PAX7: variants seen among roughly 807,000 people sequenced by gnomAD.
PAX7 encodes paired box protein Pax-7.
A neutral mutation model predicts 50.7 loss-of-function variants in PAX7; 18 were observed. That is an observed-to-expected ratio of 0.36 (90% CI 0.25 to 0.53). The LOEUF (loss-of-function observed/expected upper bound fraction) is 0.53. Ranked by LOEUF, PAX7 falls within the 20% of genes least tolerant of loss-of-function variation. PAX7 has a pLI of 0.93. For synonymous variants in PAX7, 310 were observed against 290.4 expected, an observed-to-expected ratio of 1.07 and a Z score of -0.69; for missense variants, 644 against 702.9, an observed-to-expected ratio of 0.92 and a Z score of 0.95.
At chr1:18,641,082 C>A (rs973096273) in intron 4 of PAX7, among the ~76,000 whole-genome samples, 16 of 152,266 alleles carry the variant, frequency 1.1e-4, no homozygotes, top group African/African-American at 3.9e-4. Flanking sequence ...CTGGCGCTCG[C>A]GCGCTCGCAG....
At position 18,634,642 on chromosome 1, in the gene PAX7, C is replaced by T; in HGVS notation, c.321+104C>T. 2 of 864,098 alleles carry T rather than the reference C, an allele frequency of 2.3e-6. No homozygotes were observed. Among genetic ancestry groups the T allele is most frequent in the Non-Finnish European group, 3.7e-6 (2 of 547,472 alleles). The allele number at this position is 864,098 out of a possible 1,614,324, so 53.5% of individuals were successfully genotyped here. Reference sequence around the variant, plus strand: ...CGTGGCACCAGGCTGTAGGAAAGTACAGCTGGAGGGTGTCTTCTACTCCCA... The same window carrying T: ...CGTGGCACCAGGCTGTAGGAAAGTATAGCTGGAGGGTGTCTTCTACTCCCA... On this transcript the variant is annotated intron_variant, in intron 2 of 8. Transcript: ENST00000420770. This position sits in a 1 kb window ranked among gnomAD's most constrained non-coding sequence, Gnocchi z 4.0.
At chr1:18,635,066 C>G (rs754647717) in intron 2 of PAX7, 45 bp from the exon 3 acceptor site, 4 of 1,605,932 alleles carry the variant, frequency 2.5e-6, no homozygotes, top group East Asian at 2.2e-5. Context: ...TTTCCTCCCC[C>G]CATCCCATCT....
At chr1:18,710,800 G>T (rs907965560) in intron 7 of PAX7, among the ~76,000 whole-genome samples, 2 of 152,088 alleles carry the variant, frequency 1.3e-5, no homozygotes, top group South Asian at 2.1e-4. Flanking sequence ...AAAGCAGATT[G>T]GGGACATCCT....
At position 18,634,496 on chromosome 1, in the gene PAX7, C is replaced by G. The variant is rs186595563; in HGVS notation, c.279C>G (p.Thr93=). Residue 93 remains threonine, a synonymous_variant, in exon 2 of 9, where the codon ACC becomes ACG. Transcript: ENST00000420770. This position sits in a 1 kb window ranked among gnomAD's most constrained non-coding sequence, Gnocchi z 4.0. ...VSKILCRYQE[T]GSIRPGAIGG... ...AGATTCTTTGCCGCTACCAGGAGACCGGGTCCATCCGGCCTGGGGCCATCG... is the reference window on the plus strand; with the variant it reads ...AGATTCTTTGCCGCTACCAGGAGACGGGGTCCATCCGGCCTGGGGCCATCG... The G allele has an allele frequency of 6.2e-7, 1 of 1,614,078 alleles. No individual in the cohort carries two copies. Among genetic ancestry groups the G allele is most frequent in the South Asian group, 1.1e-5 (1 of 91,076 alleles).
At chr1:18,666,815 G>A (rs1457450477) in intron 4 of PAX7, among the ~76,000 whole-genome samples, 1 of 152,178 alleles carries the variant, frequency 6.6e-6, no homozygotes, top group East Asian at 1.9e-4. Context: ...CAAGGCCTCG[G>A]GCCTCTCAGC....
intron 4 of PAX7, among the ~76,000 whole-genome samples, chr1:18,668,884 G>A (rs963476895): frequency 7.9e-5 from 12 of 152,242 alleles, no homozygotes; most frequent in African/African-American, 2.9e-4. Context: ...GCAGGCGGGT[G>A]TGTCTGGAAG....
chr1:18,732,360 C>T (rs1228974237), intron 7 of PAX7, among the ~76,000 whole-genome samples: 1 of 152,156 alleles, frequency 6.6e-6, no homozygotes, highest in Non-Finnish European at 1.5e-5. Flanking sequence ...TAAAGGAATA[C>T]ACATGAATTC....
At chr1:18,734,472 C>T (rs2089686745) in intron 7 of PAX7, among the ~76,000 whole-genome samples, 1 of 152,120 alleles carries the variant, frequency 6.6e-6, no homozygotes, top group African/African-American at 2.4e-5. Flanking sequence ...CCCTGCTCTG[C>T]TCTGAACTGA....
intron 5 of PAX7, among the ~76,000 whole-genome samples, chr1:18,693,796 T>G (rs2100301466): frequency 6.6e-6 from 1 of 152,366 alleles, no homozygotes; most frequent in African/African-American, 2.4e-5. Context: ...TTCCCACGTC[T>G]GGCGGCCACG....
In PAX7 at chr1:18,700,815, C is replaced by A; in HGVS notation, c.949C>A (p.Gln317Lys). The change falls in exon 6 of 9, where the codon CAA becomes AAA. Residue 317 changes from glutamine (Q) to lysine (K), a missense_variant. Coordinates refer to ENST00000420770, the MANE Select transcript of PAX7 (RefSeq NM_001135254.2). The surrounding 1 kb of genome is among the most constrained non-coding windows in gnomAD (Gnocchi z 4.8). ...CACCTACCCCACCACCACCATCTCC[C>A]AAGGTGAGTGTCTTGGCCCCGTCCT... ...DSTYPTTTISQDGGSTVHRPQ... is the reference protein window; with the variant it reads ...DSTYPTTTISKDGGSTVHRPQ... 6.6e-7 allele frequency: 1 copy of A among 1,515,516 alleles called. No homozygotes were observed. Among genetic ancestry groups the A allele is most frequent in the East Asian group, 2.6e-5 (1 of 38,072 alleles). The allele number at this position is 1,515,516 out of a possible 1,614,324, so 93.9% of individuals were successfully genotyped here.
chr1:18,700,453 C>T lies in PAX7; in HGVS notation c.787-200C>T, dbSNP rs1053626601. ...ATGGGGATAATATAGAACCCCCTCA[C>T]TGGTGGTTGTGAGGGCAGAATGGGG... On this transcript the variant is annotated intron_variant, in intron 5 of 8. Transcript: ENST00000420770. This position sits in a 1 kb window ranked among gnomAD's most constrained non-coding sequence, Gnocchi z 4.8. 1.9e-4 allele frequency among the ~76,000 whole-genome samples: 29 copies of T among 152,158 alleles called. No homozygotes were observed. Among genetic ancestry groups the T allele is most frequent in the African/African-American group, 5.6e-4 (23 of 41,440 alleles).
At chr1:18,718,551 A>G (rs1408280610) in intron 7 of PAX7, among the ~76,000 whole-genome samples, 1 of 152,106 alleles carries the variant, frequency 6.6e-6, no homozygotes, top group Non-Finnish European at 1.5e-5. Flanking sequence ...ACCTCTCCCC[A>G]AGTGGAGGAA....
chr1:18,687,508 G>A (rs1044600039), intron 4 of PAX7, among the ~76,000 whole-genome samples: 13 of 152,110 alleles, frequency 8.5e-5, no homozygotes, highest in Non-Finnish European at 1.6e-4. Context: ...TCTGAGCCTC[G>A]GTATACCTAT....
rs532163453 is a variant in PAX7 at position 18,638,471 on chromosome 1, A to C, written c.586+2100A>C. 3.0e-4 allele frequency among the ~76,000 whole-genome samples: 46 copies of C among 152,332 alleles called. 1 individual carries two copies. Among genetic ancestry groups the C allele is most frequent in the Middle Eastern group, 3.4e-3 (1 of 294 alleles). ...GGGGAGGCTGAGGACACAGGTGCTAAGTCTAGAGGAGCTGAAGAAATGAAA... is the reference window on the plus strand; with the variant it reads ...GGGGAGGCTGAGGACACAGGTGCTACGTCTAGAGGAGCTGAAGAAATGAAA... On this transcript the variant is annotated intron_variant, in intron 4 of 8. Transcript: ENST00000420770.
intron 4 of PAX7, among the ~76,000 whole-genome samples, chr1:18,684,480 C>T (rs753737145): frequency 3.3e-5 from 5 of 152,232 alleles, no homozygotes; most frequent in Admixed American, 6.5e-5. Context: ...TCCTTGTGTG[C>T]AATCTGACTC....
chr1:18,741,768 T>C (rs2789328), intron 8 of PAX7, among the ~76,000 whole-genome samples: 8,747 of 152,242 alleles, frequency 0.057, 857 homozygotes, highest in African/African-American at 0.2. Flanking sequence ...ATCGCTTACA[T>C]TGCCTGGAGC....
rs751507125 is a variant in PAX7 at position 18,726,897 on chromosome 1, G to A, written c.1156-8735G>A. 1.3e-5 allele frequency among the ~76,000 whole-genome samples: 2 copies of A among 152,184 alleles called. No individual in the cohort carries two copies. Among genetic ancestry groups the A allele is most frequent in the African/African-American group, 2.4e-5 (1 of 41,444 alleles). ...GTGGCTAGCCCCCACCCTGGTCAGA[G>A]ATGGCAGTCAATGACCCGGTGTTCA... On this transcript the variant is annotated intron_variant, in intron 7 of 8. Transcript: ENST00000420770. The surrounding 1 kb of genome is among the most constrained non-coding windows in gnomAD (Gnocchi z 4.8).
chr1:18,698,141 C>T (rs1013186425), intron 5 of PAX7, among the ~76,000 whole-genome samples: 11 of 152,000 alleles, frequency 7.2e-5, no homozygotes, highest in South Asian at 4.1e-4. Context: ...AAATGCCCAT[C>T]GCTCTCCCAC....
intron 6 of PAX7, among the ~76,000 whole-genome samples, 165 bp from the exon 7 acceptor site, chr1:18,702,929 C>T (rs542152803): frequency 6.6e-6 from 1 of 152,294 alleles, no homozygotes; most frequent in African/African-American, 2.4e-5. Flanking sequence ...TACTGCCCTG[C>T]CCAGGAGCCA....
Sources: allele counts gnomAD v4.1 joint callset (sites outside exome capture counted in the v4.1 genomes callset), GRCh38; gene constraint gnomAD v4.1.1; non-coding constraint Gnocchi (gnomAD v3.1); transcripts MANE v1.5; gene names NCBI Gene and HGNC (gene_info 2026-07-23, HGNC 2026-07-21).